DIAPH2: variants seen among roughly 807,000 people sequenced by gnomAD.
The protein encoded by DIAPH2 is diaphanous related formin 2, also known as protein diaphanous homolog 2.
DIAPH2 carries 35 observed loss-of-function variants against 92.7 expected under a neutral mutation model. That is an observed-to-expected ratio of 0.38 (90% confidence interval 0.29 to 0.50). The LOEUF (loss-of-function observed/expected upper bound fraction) is 0.50. Ranked by LOEUF, DIAPH2 falls within the 20% of genes least tolerant of loss-of-function variation. DIAPH2 has a pLI of 0.94. For synonymous variants in DIAPH2, 301 were observed against 280.4 expected, an observed-to-expected ratio of 1.07 and a Z score of -0.73; for missense variants, 701 against 819.5, an observed-to-expected ratio of 0.86 and a Z score of 1.77.
intron 4 of DIAPH2, among the ~76,000 whole-genome samples, chrX:96,823,640 A>G (rs1258000502): frequency 1.8e-5 from 2 of 111,035 alleles, no homozygotes; most frequent in East Asian, 5.6e-4. Context: ...TTGTGAAATG[A>G]GGCAAAAGGA....
At chrX:97,269,190 T>G (rs2068364845) in intron 23 of DIAPH2, among the ~76,000 whole-genome samples, 1 of 111,368 alleles carries the variant, frequency 9.0e-6, no homozygotes, top group Non-Finnish European at 1.9e-5. Flanking sequence ...GATGGAGATG[T>G]GACAAGAGAG....
At chrX:96,980,325 C>T (rs1353050540) in intron 17 of DIAPH2, among the ~76,000 whole-genome samples, 3 of 111,061 alleles carry the variant, frequency 2.7e-5, no homozygotes, top group Non-Finnish European at 3.8e-5. Flanking sequence ...CCCCTGAAGT[C>T]CAGCTGTTTC....
At chrX:97,184,007 A>G (rs777423543) in intron 22 of DIAPH2, among the ~76,000 whole-genome samples, 69 of 112,127 alleles carry the variant, frequency 6.2e-4, no homozygotes, top group African/African-American at 1.9e-3. Context: ...TGAACTTCCC[A>G]TTTTTTGAGA....
intron 4 of DIAPH2, among the ~76,000 whole-genome samples, chrX:96,793,420 C>T (rs899215634): frequency 3.5e-5 from 4 of 112,892 alleles, no homozygotes; most frequent in African/African-American, 1.3e-4. Flanking sequence ...CTGCCCACCT[C>T]AGCCTCCCAC....
chrX:97,079,884 C>T (rs2066729378), intron 19 of DIAPH2, among the ~76,000 whole-genome samples: 2 of 111,207 alleles, frequency 1.8e-5, no homozygotes, highest in Admixed American at 1.9e-4. Flanking sequence ...GAGATATTTC[C>T]TTCGATATGT....
intron 22 of DIAPH2, among the ~76,000 whole-genome samples, chrX:97,147,407 A>T (rs1231355380): frequency 9.0e-6 from 1 of 110,674 alleles, no homozygotes; most frequent in African/African-American, 3.3e-5. Context: ...TACATATGTA[A>T]ACTTATATCT....
At chrX:97,455,725 G>A (rs2070398248) in intron 26 of DIAPH2, among the ~76,000 whole-genome samples, 3 of 112,033 alleles carry the variant, frequency 2.7e-5, no homozygotes, top group African/African-American at 9.7e-5. Context: ...TTCACTGCCC[G>A]TGGGGAAGAA....
chrX:97,321,840 CGCCCGGCCATG>C (rs2068900546), intron 23 of DIAPH2, among the ~76,000 whole-genome samples: 1 of 111,535 alleles, frequency 9.0e-6, no homozygotes, highest in African/African-American at 3.3e-5. Flanking sequence ...TGAGCCACCG[CGCCCGGCCATG>C]TATGTGTCTT....
chrX:96,938,624 A>G (rs1032987212), intron 11 of DIAPH2, among the ~76,000 whole-genome samples: 2 of 111,814 alleles, frequency 1.8e-5, no homozygotes, highest in Non-Finnish European at 3.8e-5. Context: ...TTGGTTTTCC[A>G]GGTCCTCACT....
intron 26 of DIAPH2, among the ~76,000 whole-genome samples, chrX:97,520,746 T>G (rs1203186412): frequency 2.7e-5 from 3 of 112,309 alleles, no homozygotes; most frequent in African/African-American, 9.7e-5. Context: ...CTGAGCTTAC[T>G]GGAAGCCAAT....
chrX:97,496,645 C>T (rs1323948546), intron 26 of DIAPH2, among the ~76,000 whole-genome samples: 1 of 102,775 alleles, frequency 9.7e-6, no homozygotes, highest in Non-Finnish European at 2.0e-5. Context: ...CTCTGTAGCC[C>T]TGAATTAGAT....
chrX:97,024,885 C>T (rs183007472), intron 17 of DIAPH2, among the ~76,000 whole-genome samples: 2 of 112,130 alleles, frequency 1.8e-5, no homozygotes, highest in Non-Finnish European at 3.8e-5. Context: ...TGACTAGACA[C>T]CATTCCCTGT....
At chrX:97,595,347 T>C (rs918149029) in intron 26 of DIAPH2, among the ~76,000 whole-genome samples, 2 of 112,245 alleles carry the variant, frequency 1.8e-5, no homozygotes, top group Non-Finnish European at 3.8e-5. Context: ...TTGAGATGAA[T>C]GCCAAATCAA....
At chrX:96,818,101 C>T (rs1006580901) in intron 4 of DIAPH2, among the ~76,000 whole-genome samples, 9 of 24,741 alleles carry the variant, frequency 3.6e-4, no homozygotes, top group African/African-American at 3.0e-3. Context: ...GCCTCAGCCT[C>T]CCGAGTAGCT....
At chrX:96,893,112 T>G (rs979090207) in intron 5 of DIAPH2, among the ~76,000 whole-genome samples, 2 of 112,223 alleles carry the variant, frequency 1.8e-5, no homozygotes, top group Non-Finnish European at 3.8e-5. Context: ...ACTAGAGTTT[T>G]AATACTTCTC....
chrX:96,837,896 G>A (rs2064910087), intron 4 of DIAPH2, among the ~76,000 whole-genome samples: 1 of 111,502 alleles, frequency 9.0e-6, no homozygotes, highest in African/African-American at 3.3e-5. Flanking sequence ...GCACCATGCC[G>A]CTACTCTTAT....
chrX:97,486,324 T>C (rs2070688251), intron 26 of DIAPH2, among the ~76,000 whole-genome samples: 1 of 111,816 alleles, frequency 8.9e-6, no homozygotes, highest in Non-Finnish European at 1.9e-5. Flanking sequence ...TCCTCTAAAG[T>C]TACTCTAGAC....
In DIAPH2 at chrX:96,796,216, A is replaced by G. The variant is rs1316761894; in HGVS notation, c.447+37958A>G. ...TTGTTTTGAGACGGAGTCTCACTGT[A>G]TCACTCAGGCTGGAGTGCAGTGGCG... On this transcript the variant is annotated intron_variant, in intron 4 of 26. Coordinates refer to ENST00000324765, the MANE Select transcript of DIAPH2 (RefSeq NM_006729.5). 4.5e-5 allele frequency among the ~76,000 whole-genome samples: 5 copies of G among 111,290 alleles called. No individual in the cohort carries two copies. In the Admixed American group the frequency reaches 4.8e-4, roughly 11 times the overall value.
intron 17 of DIAPH2, among the ~76,000 whole-genome samples, chrX:96,972,744 T>G (rs1036812288): frequency 9.0e-6 from 1 of 111,391 alleles, no homozygotes; most frequent in African/African-American, 3.3e-5. Flanking sequence ...AGTTGGGACT[T>G]GAAATTTTAA....
Sources: gnomAD v4.1 joint callset for allele counts (sites outside exome capture counted in the v4.1 genomes callset) on GRCh38, gnomAD v4.1.1 for gene constraint, MANE v1.5 for transcripts, NCBI Gene and HGNC (gene_info 2026-07-23, HGNC 2026-07-21) for gene names.